Variants in RALGAPB observed in about 807,000 individuals in gnomAD.
RALGAPB encodes ral GTPase-activating protein subunit beta.
In RALGAPB, 25 loss-of-function variants were observed where a neutral mutation model predicts 161.1. The observed-to-expected ratio is 0.16, with a 90% CI of 0.11 to 0.22. The LOEUF (loss-of-function observed/expected upper bound fraction) is 0.22. RALGAPB is among the 10% of genes least tolerant of loss of function. RALGAPB has a pLI of 1.00. For missense variants in RALGAPB, 1,391 were observed against 1,815.2 expected, an observed-to-expected ratio of 0.77 and a Z score of 4.25; for synonymous variants, 629 against 626.1, an observed-to-expected ratio of 1.00 and a Z score of -0.07.
At chr20:38,488,379 T>A (rs1470800374) in intron 1 of RALGAPB, 24 bp from the exon 2 acceptor site, 8 of 1,398,264 alleles carry the variant, frequency 5.7e-6, no homozygotes. Context: ...TAATTTGACA[T>A]GCATTTCTGT....
intron 22 of RALGAPB, among the ~76,000 whole-genome samples, chr20:38,556,020 C>T (rs2087574876): frequency 6.6e-6 from 1 of 152,048 alleles, no homozygotes; most frequent in Admixed American, 6.5e-5. Context: ...AATTTGGTCC[C>T]ATTAGCAGTT....
chr20:38,518,413 T>C (rs1450817778), intron 9 of RALGAPB, among the ~76,000 whole-genome samples: 2 of 152,206 alleles, frequency 1.3e-5, no homozygotes, highest in Admixed American at 1.3e-4. Flanking sequence ...TATGTAAACA[T>C]CAGAAAATTT....
intron 18 of RALGAPB, among the ~76,000 whole-genome samples, chr20:38,543,527 G>C (rs1488277266): frequency 6.6e-6 from 1 of 152,150 alleles, no homozygotes; most frequent in East Asian, 1.9e-4. Context: ...CCTGCTGCTT[G>C]AATGATTGAA....
chr20:38,546,840 C>G (rs538533507), intron 19 of RALGAPB: 15 of 164,978 alleles, frequency 9.1e-5, no homozygotes, highest in Non-Finnish European at 6.6e-5. Context: ...TTACCTGCCC[C>G]TTCCTGTTAC....
intron 19 of RALGAPB, chr20:38,547,916 G>C (rs369512587): frequency 5.9e-5 from 9 of 152,072 alleles, no homozygotes; most frequent in African/African-American, 2.2e-4. Context: ...CAGGCTTCCT[G>C]GCCTTTTTCC....
At chr20:38,530,376 TGTAA>T (rs2086617090) in intron 13 of RALGAPB, among the ~76,000 whole-genome samples, 1 of 152,174 alleles carries the variant, frequency 6.6e-6, no homozygotes, top group African/African-American at 2.4e-5. Flanking sequence ...ATGTATGGTC[TGTAA>T]GTGTTTGTGT....
At chr20:38,488,149 C>T (rs368082198) in intron 1 of RALGAPB, among the ~76,000 whole-genome samples, 1 of 152,108 alleles carries the variant, frequency 6.6e-6, no homozygotes, top group Non-Finnish European at 1.5e-5. Context: ...CATTGCTTGC[C>T]TTTATTATGT....
chr20:38,563,292 A>G (rs1482838823), intron 24 of RALGAPB, among the ~76,000 whole-genome samples: 1 of 152,244 alleles, frequency 6.6e-6, no homozygotes, highest in East Asian at 1.9e-4. Flanking sequence ...ATGGTGTAAT[A>G]TAGGTCATCC....
intron 19 of RALGAPB, among the ~76,000 whole-genome samples, chr20:38,548,462 T>A (rs1378545275): frequency 6.6e-6 from 1 of 152,206 alleles, no homozygotes; most frequent in Admixed American, 6.5e-5. Flanking sequence ...ATGCCAAAAT[T>A]CATGATTTTC....
chr20:38,564,192 C>T (rs1042923355), intron 24 of RALGAPB, among the ~76,000 whole-genome samples: 1 of 152,106 alleles, frequency 6.6e-6, no homozygotes. Flanking sequence ...AGTGCCTGCC[C>T]GGAGCCCACA....
chr20:38,490,398 CAG>C (rs1316204621), intron 2 of RALGAPB, among the ~76,000 whole-genome samples: 1 of 149,770 alleles, frequency 6.7e-6, no homozygotes, highest in Non-Finnish European at 1.5e-5. Flanking sequence ...TTAGTAGGGA[CAG>C]AGTTTCACCG....
rs947946852 is a variant in RALGAPB at position 38,553,908 on chromosome 20, G to A, written c.3204G>A (p.Gln1068=). Reference sequence around the variant, plus strand: ...AAAAATTAAGGAGTGGCATGGCCCAGCAGATTGCTTATGAAATACACCTTG... The same window carrying A: ...AAAAATTAAGGAGTGGCATGGCCCAACAGATTGCTTATGAAATACACCTTG... The part of the protein sequence containing the change: ...RHEKLRSGMA[Q]QIAYEIHLEQ... Residue 1068 remains glutamine, a synonymous_variant, in exon 22 of 30, where the codon CAG becomes CAA. Coordinates refer to ENST00000262879, the MANE Select transcript of RALGAPB (RefSeq NM_020336.4). 1.1e-5 allele frequency: 17 copies of A among 1,612,758 alleles called. No individual in the cohort carries two copies. The African/African-American group carries it at 1.9e-4, about 18-fold the overall frequency.
intron 13 of RALGAPB, among the ~76,000 whole-genome samples, chr20:38,526,330 C>A (rs2086466684): frequency 6.6e-6 from 1 of 152,038 alleles, no homozygotes; most frequent in Admixed American, 6.6e-5. Flanking sequence ...TCCCTCTCTT[C>A]TTTCCTCCTT....
rs759193626 is a variant in RALGAPB, at chr20:38,517,832, T to G, written c.1249T>G (p.Ser417Ala). 2.5e-6 allele frequency: 4 copies of G among 1,613,912 alleles called. No homozygotes were observed. The highest frequency in any genetic ancestry group is 3.4e-6 in the Non-Finnish European group (4 of 1,179,920). ...AGTTCAGCACCAGACGTCCTCCACC[T>G]CTCCTCTGTCAAGTCCAAATCAGAC... is the stretch of plus-strand genomic sequence containing the variant. ...SKVQHQTSST[S>A]PLSSPNQTSS... Residue 417 changes from serine to alanine, a missense_variant, in exon 9 of 30, where the codon TCT becomes GCT. Ser to Ala is a moderately conservative substitution (Grantham distance 99). Coordinates refer to ENST00000262879, the MANE Select transcript of RALGAPB (RefSeq NM_020336.4).
At chr20:38,531,399 T>C (rs932465244) in intron 14 of RALGAPB, among the ~76,000 whole-genome samples, 168 bp downstream of exon 14, 1 of 152,218 alleles carries the variant, frequency 6.6e-6, no homozygotes, top group East Asian at 1.9e-4. Context: ...GAGGTTTGCT[T>C]TTCAGTGCCT....
intron 5 of RALGAPB, among the ~76,000 whole-genome samples, chr20:38,502,177 A>G (rs142317450): frequency 2.7e-4 from 41 of 152,288 alleles, no homozygotes; most frequent in African/African-American, 7.7e-4. Flanking sequence ...TGCTATTGCA[A>G]TGAGCTCAGG....
intron 19 of RALGAPB, chr20:38,547,006 C>T (rs2087189497): frequency 6.5e-6 from 1 of 152,788 alleles, no homozygotes; most frequent in African/African-American, 2.4e-5. Context: ...TCCCTCAACC[C>T]CTAAACCCCT....
intron 1 of RALGAPB, among the ~76,000 whole-genome samples, chr20:38,481,178 TATCTTTCAATCAAAAGTA>T (rs1286680924): frequency 1.3e-5 from 2 of 152,238 alleles, no homozygotes; most frequent in Non-Finnish European, 2.9e-5. Flanking sequence ...CAGCTCAGCC[TATCTTTCAATCAAAAGTA>T]ATCTTTTTCC....
chr20:38,567,235 A>T lies in RALGAPB; in HGVS notation c.3954+3A>T. 1 of 1,611,074 alleles carries T rather than the reference A, an allele frequency of 6.2e-7. No individual in the cohort carries two copies. The highest frequency in any genetic ancestry group is 8.5e-7 in the Non-Finnish European group (1 of 1,178,690). ...ACAATCTTAATTCCTCACAGAGGGT[A>T]AGTTACTTTGTTGATAGGTCTCCAA... is the stretch of plus-strand genomic sequence containing the variant. On this transcript the variant is annotated splice_donor_region_variant and intron_variant, in intron 26 of 29. Coordinates refer to ENST00000262879, the MANE Select transcript of RALGAPB (RefSeq NM_020336.4).
Sources: gnomAD v4.1 joint callset for allele counts (sites outside exome capture counted in the v4.1 genomes callset) on GRCh38, gnomAD v4.1.1 for gene constraint, MANE v1.5 for transcripts, NCBI Gene and HGNC (gene_info 2026-07-23, HGNC 2026-07-21) for gene names.